Variants in PARD3 observed in about 807,000 individuals in gnomAD.
The protein encoded by PARD3 is par-3 family cell polarity regulator, also known as partitioning defective 3 homolog.
Under a neutral mutation model 155.4 loss-of-function variants are expected in PARD3, and 75 were observed. That is an observed-to-expected ratio of 0.48 (90% CI 0.40 to 0.58). PARD3 has a LOEUF of 0.58. Among genes scored for constraint, PARD3 ranks in the 20% least tolerant of loss-of-function variants. PARD3 has a pLI of 0.00. For missense variants in PARD3, 1,642 were observed against 1,721.7 expected, an observed-to-expected ratio of 0.95 and a Z score of 0.82; for synonymous variants, 576 against 610.5, an observed-to-expected ratio of 0.94 and a Z score of 0.83.
At chr10:34,728,805 A>G (rs561678466) in intron 1 of PARD3, among the ~76,000 whole-genome samples, 1 of 152,328 alleles carries the variant, frequency 6.6e-6, no homozygotes, top group African/African-American at 2.4e-5. Context: ...TATTTAATGT[A>G]ATATTCTAGG....
chr10:34,495,590 G>A (rs1278233466), intron 3 of PARD3, among the ~76,000 whole-genome samples: 1 of 152,102 alleles, frequency 6.6e-6, no homozygotes, highest in Non-Finnish European at 1.5e-5. Flanking sequence ...CCATTAATAG[G>A]GGCAAGGCTA....
intron 2 of PARD3, among the ~76,000 whole-genome samples, chr10:34,572,131 A>G (rs937957476): frequency 6.6e-6 from 1 of 152,170 alleles, no homozygotes; most frequent in Admixed American, 6.5e-5. Context: ...TGAAAATATT[A>G]CTGATGCTAT....
intron 5 of PARD3, among the ~76,000 whole-genome samples, chr10:34,416,933 G>A (rs1845733850): frequency 6.6e-6 from 1 of 152,182 alleles, no homozygotes; most frequent in Admixed American, 6.5e-5. Flanking sequence ...CTGGCCATAG[G>A]CCAAGCTAAC....
chr10:34,291,409 G>GT (rs1273425303), intron 20 of PARD3, among the ~76,000 whole-genome samples: 1 of 152,220 alleles, frequency 6.6e-6, no homozygotes, highest in Non-Finnish European at 1.5e-5. Context: ...TTCACTTTGT[G>GT]TAATTCCTAA....
chr10:34,699,691 A>T (rs2094238420), intron 1 of PARD3, among the ~76,000 whole-genome samples: 1 of 152,220 alleles, frequency 6.6e-6, no homozygotes, highest in South Asian at 2.1e-4. Context: ...AAGGTCCGGC[A>T]TGATGGCTCA....
chr10:34,114,641 G>A (rs141036700), intron 24 of PARD3, among the ~76,000 whole-genome samples: 102 of 152,230 alleles, frequency 6.7e-4, no homozygotes, highest in Non-Finnish European at 9.6e-4. Flanking sequence ...CACTCTGCTC[G>A]GCCAAAAATT....
At chr10:34,545,631 T>C (rs1231590735) in intron 2 of PARD3, among the ~76,000 whole-genome samples, 2 of 152,208 alleles carry the variant, frequency 1.3e-5, no homozygotes, top group Non-Finnish European at 1.5e-5. Context: ...CTCGGCTCAC[T>C]GCAATCTCCA....
At chr10:34,390,977 A>C (rs1212301117) in intron 7 of PARD3, among the ~76,000 whole-genome samples, 1 of 152,244 alleles carries the variant, frequency 6.6e-6, no homozygotes, top group African/African-American at 2.4e-5. Context: ...ATTCCAAATA[A>C]GATCCTACAG....
At chr10:34,745,095 C>T (rs1835135323) in intron 1 of PARD3, among the ~76,000 whole-genome samples, 1 of 152,208 alleles carries the variant, frequency 6.6e-6, no homozygotes, top group Non-Finnish European at 1.5e-5. Flanking sequence ...GTTGTAGTGG[C>T]TCACACCTGT....
chr10:34,324,327 A>C (rs114524787), intron 19 of PARD3, among the ~76,000 whole-genome samples: 1 of 152,214 alleles, frequency 6.6e-6, no homozygotes, highest in Admixed American at 6.5e-5. Flanking sequence ...TAAAAAAATA[A>C]TTTATACTAA....
At chr10:34,736,931 C>T (rs1252658896) in intron 1 of PARD3, among the ~76,000 whole-genome samples, 1 of 152,166 alleles carries the variant, frequency 6.6e-6, no homozygotes, top group South Asian at 2.1e-4. Flanking sequence ...CCCACCTCTG[C>T]CTCCCAAAGT....
chr10:34,783,742 A>C (rs913806176), intron 1 of PARD3, among the ~76,000 whole-genome samples: 2 of 152,050 alleles, frequency 1.3e-5, no homozygotes, highest in African/African-American at 4.8e-5. Flanking sequence ...AGGGAGAACA[A>C]CCCATAATCC....
At chr10:34,774,394 G>A (rs989630377) in intron 1 of PARD3, among the ~76,000 whole-genome samples, 1 of 152,144 alleles carries the variant, frequency 6.6e-6, no homozygotes, top group African/African-American at 2.4e-5. Context: ...GTGGTTTTCT[G>A]AGTGCTGCAT....
At chr10:34,663,430 C>T (rs1310185856) in intron 2 of PARD3, among the ~76,000 whole-genome samples, 1 of 152,146 alleles carries the variant, frequency 6.6e-6, no homozygotes, top group African/African-American at 2.4e-5. Context: ...CGCACCATTG[C>T]ACTCCAGCCT....
chr10:34,793,879 G>T (rs1397179129), intron 1 of PARD3, among the ~76,000 whole-genome samples: 1 of 152,238 alleles, frequency 6.6e-6, no homozygotes, highest in Non-Finnish European at 1.5e-5. Context: ...ATAACAAATG[G>T]TGCCTGAAAA....
chr10:34,814,860 GC>G lies in PARD3; in HGVS notation c.120+15del. 7.4e-6 allele frequency: 7 copies of G among 945,628 alleles called. No individual in the cohort carries two copies. Among genetic ancestry groups the G allele is most frequent in the East Asian group, 9.1e-5 (2 of 21,976 alleles). 58.6% of individuals were successfully genotyped at this position (945,628 alleles called of 1,614,324 possible). On this transcript the variant is annotated intron_variant, in intron 1 of 24. Transcript: ENST00000374788. ...CCGCCGCCGCCCCCTCCCCGCCCGC[GC>G]CCCCGGCCCCTCACCTTGGCGATGG...
At chr10:34,426,550 G>A (rs929245463) in intron 5 of PARD3, 4 of 152,092 alleles carry the variant, frequency 2.6e-5, no homozygotes, top group African/African-American at 9.7e-5. Context: ...TTAAGAATGA[G>A]TAATTACATG....
chr10:34,164,052 C>T (rs1588983184), intron 22 of PARD3, among the ~76,000 whole-genome samples: 1 of 152,140 alleles, frequency 6.6e-6, no homozygotes, highest in Admixed American at 6.6e-5. Context: ...AATTAAACCA[C>T]CACGCTCATA....
intron 2 of PARD3, among the ~76,000 whole-genome samples, chr10:34,622,235 G>C (rs1398805691): frequency 6.6e-6 from 1 of 152,112 alleles, no homozygotes; most frequent in African/African-American, 2.4e-5. Flanking sequence ...ATAAGTCCAA[G>C]ATCATCATTT....
Sources: gnomAD v4.1 joint callset for allele counts (sites outside exome capture counted in the v4.1 genomes callset) on GRCh38, gnomAD v4.1.1 for gene constraint, MANE v1.5 for transcripts, NCBI Gene and HGNC (gene_info 2026-07-23, HGNC 2026-07-21) for gene names.